Variants in VEZT observed in about 807,000 individuals in gnomAD.
VEZT encodes the protein vezatin, adherens junctions transmembrane protein, also known as vezatin.
VEZT carries 39 observed loss-of-function variants against 79.9 expected under a neutral mutation model. The observed-to-expected ratio is 0.49, with a 90% confidence interval of 0.38 to 0.64. The LOEUF (loss-of-function observed/expected upper bound fraction) is 0.64, where lower values mean the gene tolerates loss of function less well. VEZT is among the 30% of genes least tolerant of loss of function. VEZT has a pLI of 0.00. For missense variants in VEZT, 837 were observed against 893.1 expected (o/e 0.94, Z 0.80); for synonymous variants, 325 against 327.6 (o/e 0.99, Z 0.09).
At chr12:95,225,775 AAAAAAAAAAAAAAAAAAAG>A (rs1233594053) in intron 1 of VEZT, among the ~76,000 whole-genome samples, 4 of 128,430 alleles carry the variant, frequency 3.1e-5, no homozygotes, top group Non-Finnish European at 4.9e-5. Context: ...AAAAAAAAAA[AAAAAAAAAAAAAAAAAAAG>A]AGAGAGAAGG....
At chr12:95,293,663 GATA>G (rs2073499134) in intron 9 of VEZT, 1 of 152,470 alleles carries the variant, frequency 6.6e-6, no homozygotes, top group African/African-American at 2.4e-5. Flanking sequence ...TGCTGTGAAT[GATA>G]ATATTTTGTT....
At chr12:95,217,983 T>C (rs2136332164) in intron 1 of VEZT, 97 bp downstream of exon 1, 1 of 1,305,442 alleles carries the variant, frequency 7.7e-7, no homozygotes, top group Non-Finnish European at 1.0e-6. Context: ...AGGGATCGGG[T>C]GACGCGCTCC....
At chr12:95,258,266 G>A (rs781198589) in intron 3 of VEZT, 1 of 455,732 alleles carries the variant, frequency 2.2e-6, no homozygotes, top group Admixed American at 2.4e-5. Context: ...TCATTCTTCA[G>A]TGATACTAGG....
intron 8 of VEZT, among the ~76,000 whole-genome samples, chr12:95,283,534 T>C (rs996054278): frequency 7.9e-5 from 12 of 152,138 alleles, no homozygotes; most frequent in Non-Finnish European, 5.9e-5. Flanking sequence ...TATTTGATTA[T>C]GTAAATAAGA....
rs1391505675 is a variant in VEZT at position 95,217,878 on chromosome 12, GT to G, written c.33del (p.Phe11LeufsTer51). On this transcript the variant is annotated frameshift_variant, in exon 1 of 12. Coordinates refer to ENST00000436874, the MANE Select transcript of VEZT (RefSeq NM_017599.4). LOFTEE classifies it high-confidence loss of function. Reference protein sequence around the residue: MTPEFDEEVVFENSPLYQYL... With the variant: MTPEFDEEVXFENSPLYQYL... The stretch of plus-strand genomic sequence containing the variant: ...GACACCGGAGTTTGACGAAGAGGTG[GT>G]TTTTGAGGTAAGAGGAAAATGGCGG... 4.6e-6 allele frequency: 7 copies of G among 1,525,412 alleles called. No individual in the cohort carries two copies. The highest frequency in any genetic ancestry group is 2.4e-5 in the Admixed American group (1 of 42,170). 94.5% of individuals were successfully genotyped at this position (1,525,412 alleles called of 1,614,324 possible).
intron 11 of VEZT, among the ~76,000 whole-genome samples, chr12:95,297,482 T>C (rs2074411253): frequency 6.6e-6 from 1 of 152,168 alleles, no homozygotes; most frequent in Non-Finnish European, 1.5e-5. Flanking sequence ...TTTCTTCCCA[T>C]TGGCCCCCTT....
At chr12:95,266,730 G>A (rs1194034924) in intron 5 of VEZT, 98 bp downstream of exon 5, 17 of 1,273,528 alleles carry the variant, frequency 1.3e-5, no homozygotes, top group African/African-American at 7.6e-5. Context: ...GCATTTATAG[G>A]AAAAAAAAGT....
intron 3 of VEZT, among the ~76,000 whole-genome samples, chr12:95,260,034 G>A (rs764434669): frequency 4.1e-4 from 62 of 151,300 alleles, no homozygotes; most frequent in Admixed American, 3.8e-3. Context: ...TAGTTATTTG[G>A]AGTGTCTTGG....
chr12:95,252,475 T>G (rs1305513964), intron 2 of VEZT: 1 of 153,578 alleles, frequency 6.5e-6, no homozygotes, highest in Non-Finnish European at 1.4e-5. Flanking sequence ...AAACACAGTT[T>G]CAGGTGTAGA....
chr12:95,251,801 T>C, intron 1 of VEZT, 139 bp from the exon 2 acceptor site: 1 of 623,204 alleles, frequency 1.6e-6, no homozygotes. Flanking sequence ...TTATAACAGA[T>C]AATTCAGTTC....
At position 95,301,799 on chromosome 12, in the gene VEZT, T is replaced by A. The variant is rs1423103540; in HGVS notation, c.*1126T>A. Reference sequence around the variant, plus strand: ...AGGAAATTGCATGATGAATCTAGATTGTCTTTAGAGTAAAGAAACACATTC... The same window carrying A: ...AGGAAATTGCATGATGAATCTAGATAGTCTTTAGAGTAAAGAAACACATTC... On this transcript the variant is annotated 3_prime_UTR_variant, in exon 12 of 12. Coordinates refer to ENST00000436874, the MANE Select transcript of VEZT (RefSeq NM_017599.4). 2.0e-5 allele frequency: 3 copies of A among 152,254 alleles called. No homozygotes were observed. Among genetic ancestry groups the A allele is most frequent in the African/African-American group, 7.2e-5 (3 of 41,472 alleles). 9.4% of individuals were successfully genotyped at this position (152,254 alleles called of 1,614,324 possible).
chr12:95,240,972 C>G (rs533151415), intron 1 of VEZT, among the ~76,000 whole-genome samples: 2 of 116,068 alleles, frequency 1.7e-5, no homozygotes, highest in East Asian at 5.1e-4. Context: ...GCATCCCGAT[C>G]TCTACACACT....
At chr12:95,254,774 T>C (rs2063202443) in intron 2 of VEZT, among the ~76,000 whole-genome samples, 1 of 152,252 alleles carries the variant, frequency 6.6e-6, no homozygotes, top group Admixed American at 6.5e-5. Context: ...AATTATTTCC[T>C]CTGAAAAGCT....
chr12:95,287,858 G>T lies in VEZT; in HGVS notation c.1522+1G>T. 6.3e-7 allele frequency: 1 copy of T among 1,582,654 alleles called. No homozygotes were observed. The highest frequency in any genetic ancestry group is 8.6e-7 in the Non-Finnish European group (1 of 1,163,918). On this transcript the variant is annotated splice_donor_variant, in intron 9 of 11. Coordinates refer to ENST00000436874, the MANE Select transcript of VEZT (RefSeq NM_017599.4). LOFTEE classifies it high-confidence loss of function. ...CTACGAAGAAATACAGATAAAAAAG[G>T]TACCTGTGAGAGATTTCTTTGCCAT...
chr12:95,224,183 C>G, intron 1 of VEZT: 1 of 456,014 alleles, frequency 2.2e-6, no homozygotes, highest in South Asian at 1.5e-5. Flanking sequence ...CATTTAGGTT[C>G]GGCCAGTGGG....
chr12:95,264,693 T>C (rs1167058323), intron 4 of VEZT, among the ~76,000 whole-genome samples: 1 of 151,944 alleles, frequency 6.6e-6, no homozygotes, highest in Non-Finnish European at 1.5e-5. Context: ...TGCCTCAGCC[T>C]CCCAAAGTGC....
Position 95,271,687 on chromosome 12 carries a change from A to T in VEZT, c.848+1499A>T, listed in dbSNP as rs146125465. On this transcript the variant is annotated intron_variant, in intron 6 of 11. Transcript: ENST00000436874. ...CTAATCACTAGACGTACAGTGGTAA[A>T]CATAATAGACATGATCCCTGCCTTA... Among the ~76,000 whole-genome samples the T allele has an allele frequency of 3.3e-4, 51 of 152,334 alleles. No individual in the cohort carries two copies. The East Asian group carries it at 9.4e-3, about 28-fold the overall frequency.
intron 4 of VEZT, 89 bp from the exon 5 acceptor site, chr12:95,266,268 A>C: frequency 1.5e-6 from 2 of 1,365,258 alleles, no homozygotes; most frequent in Non-Finnish European, 2.0e-6. Flanking sequence ...TAGTAAACCT[A>C]AATTTAAATT....
intron 1 of VEZT, among the ~76,000 whole-genome samples, chr12:95,220,753 T>C (rs544617754): frequency 1.3e-5 from 2 of 152,342 alleles, no homozygotes; most frequent in Admixed American, 1.3e-4. Context: ...TTAAATTCAT[T>C]CTTCTATTAA....
Sources: gnomAD v4.1 joint callset for allele counts (sites outside exome capture counted in the v4.1 genomes callset) on GRCh38, gnomAD v4.1.1 for gene constraint, MANE v1.5 for transcripts, NCBI Gene and HGNC (gene_info 2026-07-23, HGNC 2026-07-21) for gene names.